The following CYP4F2 variants were observed in gnomAD, a reference collection of about 807,000 sequenced individuals.
The protein encoded by CYP4F2 is cytochrome P450 family 4 subfamily F member 2.
In CYP4F2, 58 loss-of-function variants were observed where a neutral mutation model predicts 58.9. The observed-to-expected ratio is 0.98, with a 90% CI of 0.80 to 1.23. The LOEUF (loss-of-function observed/expected upper bound fraction) is 1.23, where lower values mean the gene tolerates loss of function less well. Ranked by LOEUF, CYP4F2 falls within the 50% of genes most tolerant of loss-of-function variation. CYP4F2 has a pLI of 0.00. For missense variants in CYP4F2, 616 were observed against 685.6 expected, an observed-to-expected ratio of 0.90 and a Z score of 1.13; for synonymous variants, 287 against 261.1, an observed-to-expected ratio of 1.10 and a Z score of -0.95.
At chr19:15,889,816 C>T (rs1229705445) in intron 6 of CYP4F2, 123 bp from the exon 7 acceptor site, 9 of 1,404,328 alleles carry the variant, frequency 6.4e-6, no homozygotes, top group Non-Finnish European at 8.8e-6. Context: ...ACAGATGACC[C>T]CACAGATACA....
At chr19:15,890,473 C>G in intron 5 of CYP4F2, 40 bp from the exon 6 acceptor site, 1 of 1,610,618 alleles carries the variant, frequency 6.2e-7, no homozygotes, top group African/African-American at 1.3e-5. Flanking sequence ...AGGCTCCTTG[C>G]TCCCTTGAGC....
chr19:15,884,263 A>G (rs2089362168), intron 9 of CYP4F2, among the ~76,000 whole-genome samples: 1 of 152,140 alleles, frequency 6.6e-6, no homozygotes, highest in East Asian at 1.9e-4. Context: ...GAGAAAGACA[A>G]ATATCGCATG....
At chr19:15,889,832 G>C (rs775529919) in intron 6 of CYP4F2, 139 bp from the exon 7 acceptor site, 9 of 1,323,690 alleles carry the variant, frequency 6.8e-6, no homozygotes, top group Non-Finnish European at 9.4e-6. Flanking sequence ...ATACAGGGTG[G>C]GGATCAGCAT....
At chr19:15,888,972 G>A (rs2089399348) in intron 7 of CYP4F2, among the ~76,000 whole-genome samples, 1 of 152,002 alleles carries the variant, frequency 6.6e-6, no homozygotes, top group African/African-American at 2.4e-5. Flanking sequence ...ACATAGAAAA[G>A]ACAGGACAAA....
rs2089330958 is a variant in CYP4F2, at chr19:15,879,682, G to A, written c.1250-14C>T. On this transcript the variant is annotated splice_polypyrimidine_tract_variant and intron_variant, in intron 10 of 12. Transcript: ENST00000221700. ...GGCAGATAATGCCTGTGGGAGAGAA[G>A]GGAGCAGTCAGGAGAAGGCCTCCTT... 6.2e-7 allele frequency: 1 copy of A among 1,614,196 alleles called. No homozygotes were observed. Among genetic ancestry groups the A allele is most frequent in the Non-Finnish European group, 8.5e-7 (1 of 1,180,036 alleles).
intron 7 of CYP4F2, among the ~76,000 whole-genome samples, chr19:15,888,855 A>G (rs969925360): frequency 1.3e-5 from 2 of 152,250 alleles, no homozygotes; most frequent in East Asian, 3.8e-4. Context: ...ACACTGAGAC[A>G]AAGACACAAA....
chr19:15,897,629 A>T lies in CYP4F2; in HGVS notation c.-1-17T>A, dbSNP rs768059041. 1 of 1,612,206 alleles carries T rather than the reference A, an allele frequency of 6.2e-7. No homozygotes were observed. The highest frequency in any genetic ancestry group is 1.7e-5 in the Admixed American group (1 of 59,912). On this transcript the variant is annotated splice_polypyrimidine_tract_variant and intron_variant, in intron 1 of 12. Coordinates refer to ENST00000221700, the MANE Select transcript of CYP4F2 (RefSeq NM_001082.5). ...TGGGACATCCTGCAGGGCAGACGGG[A>T]TGGACGGTGAGATCCTGAGGCCCAG... is the stretch of plus-strand genomic sequence containing the variant.
Position 15,896,703 on chromosome 19 carries a change from A to C in CYP4F2, c.198+711T>G, listed in dbSNP as rs796564788. 4.6e-5 allele frequency among the ~76,000 whole-genome samples: 7 copies of C among 152,218 alleles called. No homozygotes were observed. The South Asian group carries it at 1.4e-3, about 32-fold the overall frequency. On this transcript the variant is annotated intron_variant, in intron 2 of 12. Transcript: ENST00000221700. ...CCCACCTGGGAGCAGCTTCTGCAGC[A>C]GGCTCTGTGCTAGTGTGTCCTGTGC... is the stretch of plus-strand genomic sequence containing the variant.
chr19:15,894,984 C>T (rs375451160), intron 3 of CYP4F2, among the ~76,000 whole-genome samples: 107 of 152,324 alleles, frequency 7.0e-4, no homozygotes, highest in African/African-American at 2.3e-3. Flanking sequence ...TTGTTCTAGG[C>T]TTTGGGACAG....
rs746343403 is a variant in CYP4F2, at chr19:15,878,846, G to A, written c.1488C>T (p.Thr496=). 4.3e-6 allele frequency: 7 copies of A among 1,613,884 alleles called. No individual in the cohort carries two copies. The highest frequency in any genetic ancestry group is 4.0e-5 in the African/African-American group (3 of 74,932). The change falls in exon 13 of 13, where the codon ACC becomes ACT. Residue 496 remains threonine, a synonymous_variant. Coordinates refer to ENST00000221700, the MANE Select transcript of CYP4F2 (RefSeq NM_001082.5). ...CCAGCTCCGGCTTCCTGCGGGGCTC[G>A]GTGTGGTCAGGCAGGACGCGGAAGC... is the stretch of plus-strand genomic sequence containing the variant. ...LLRFRVLPDH[T]EPRRKPELVL...
chr19:15,878,831 C>T lies in CYP4F2; in HGVS notation c.1503G>A (p.Lys501=). 3 of 1,614,030 alleles carry T rather than the reference C, an allele frequency of 1.9e-6. No homozygotes were observed. In the South Asian group the frequency reaches 3.3e-5, roughly 18 times the overall value. The change falls in exon 13 of 13, where the codon AAG becomes AAA. Residue 501 remains lysine, a synonymous_variant. Transcript: ENST00000221700. The stretch of plus-strand genomic sequence containing the variant: ...CCTCTGCGCGCAGGACCAGCTCCGG[C>T]TTCCTGCGGGGCTCGGTGTGGTCAG... ...VLPDHTEPRR[K]PELVLRAEGG...
intron 3 of CYP4F2, among the ~76,000 whole-genome samples, 161 bp from the exon 4 acceptor site, chr19:15,892,743 G>C (rs1445198425): frequency 6.6e-6 from 1 of 152,170 alleles, no homozygotes; most frequent in East Asian, 1.9e-4. Context: ...ATGGGGAGGG[G>C]AGGGAAGACC....
In CYP4F2 at chr19:15,897,619, G is replaced by A. The variant is rs2089456286; in HGVS notation, c.-1-7C>T. 6.2e-7 allele frequency: 1 copy of A among 1,613,240 alleles called. No homozygotes were observed. Among genetic ancestry groups the A allele is most frequent in the Non-Finnish European group, 8.5e-7 (1 of 1,179,832 alleles). On this transcript the variant is annotated splice_region_variant and splice_polypyrimidine_tract_variant and intron_variant, in intron 1 of 12. Transcript: ENST00000221700. ...CAGGCTCAGCTGGGACATCCTGCAG[G>A]GCAGACGGGATGGACGGTGAGATCC...
Position 15,878,748 on chromosome 19 carries a change from G to A in CYP4F2, c.*23C>T, listed in dbSNP as rs1234086655. Reference sequence around the variant, plus strand: ...ATGAATCAGGGGTCATTTTAGTGGGGTCAGAGTGGGTCTCTGCAGAACTCA... The same window carrying A: ...ATGAATCAGGGGTCATTTTAGTGGGATCAGAGTGGGTCTCTGCAGAACTCA... On this transcript the variant is annotated 3_prime_UTR_variant, in exon 13 of 13. Transcript: ENST00000221700. 3 of 1,611,392 alleles carry A rather than the reference G, an allele frequency of 1.9e-6. No individual in the cohort carries two copies. The highest frequency in any genetic ancestry group is 1.7e-5 in the Admixed American group (1 of 59,806).
Position 15,879,810 on chromosome 19 carries a change from A to G in CYP4F2, c.1203T>C (p.His401=). The stretch of plus-strand genomic sequence containing the variant: ...CTGGGAGCACAATGTCCTGGGTGAC[A>G]TGGCGGGAGATGACCGGGACTGGGG... ...LHPPVPVISR[H]VTQDIVLPDG... Residue 401 remains histidine, a synonymous_variant, in exon 10 of 13, where the codon CAT becomes CAC. Coordinates refer to ENST00000221700, the MANE Select transcript of CYP4F2 (RefSeq NM_001082.5). 6.2e-7 allele frequency: 1 copy of G among 1,614,132 alleles called. No homozygotes were observed. The highest frequency in any genetic ancestry group is 8.5e-7 in the Non-Finnish European group (1 of 1,180,026).
intron 9 of CYP4F2, among the ~76,000 whole-genome samples, chr19:15,884,494 G>T (rs1262269211): frequency 6.6e-6 from 1 of 152,188 alleles, no homozygotes; most frequent in South Asian, 2.1e-4. Context: ...TATGTTTCTA[G>T]CATAAAGAAA....
chr19:15,896,425 A>G (rs188304438), intron 2 of CYP4F2, among the ~76,000 whole-genome samples: 105 of 152,100 alleles, frequency 6.9e-4, no homozygotes, highest in African/African-American at 2.5e-3. Flanking sequence ...GAGAGGAAGG[A>G]TTTTCTTTTT....
chr19:15,879,563 G>T, intron 11 of CYP4F2, 41 bp downstream of exon 11: 1 of 1,612,684 alleles, frequency 6.2e-7, no homozygotes, highest in Non-Finnish European at 8.5e-7. Flanking sequence ...CCTCCTCTAG[G>T]AGCCTTGGAA....
chr19:15,889,153 A>G (rs2089400349), intron 7 of CYP4F2, among the ~76,000 whole-genome samples: 1 of 152,242 alleles, frequency 6.6e-6, no homozygotes, highest in Non-Finnish European at 1.5e-5. Flanking sequence ...ACATAGATAT[A>G]GATGTAGATG....
Sources: gnomAD v4.1 joint callset for allele counts (sites outside exome capture counted in the v4.1 genomes callset) on GRCh38, gnomAD v4.1.1 for gene constraint, MANE v1.5 for transcripts, NCBI Gene and HGNC (gene_info 2026-07-23, HGNC 2026-07-21) for gene names.